Variants in CPAMD8 observed in about 807,000 individuals in gnomAD.
CPAMD8 encodes C3 and PZP-like alpha-2-macroglobulin domain-containing protein 8.
Under a neutral mutation model 224.7 loss-of-function variants are expected in CPAMD8, and 146 were observed. That is an observed-to-expected ratio of 0.65 (90% CI 0.57 to 0.75). CPAMD8 has a LOEUF of 0.75. Among genes scored for constraint, CPAMD8 ranks in the 30% least tolerant of loss-of-function variants. The probability of loss-of-function intolerance (pLI) is 0.00; values close to 1 mark genes in which losing one functional copy is unlikely to be tolerated. For synonymous variants in CPAMD8, 966 were observed against 1,044.6 expected, an observed-to-expected ratio of 0.92 and a Z score of 1.45; for missense variants, 2,301 against 2,537.5, an observed-to-expected ratio of 0.91 and a Z score of 2.00.
Position 17,022,020 on chromosome 19 carries a change from A to G in CPAMD8, c.244+10T>C, listed in dbSNP as rs1486620193. 2 of 1,591,428 alleles carry G rather than the reference A, an allele frequency of 1.3e-6. No homozygotes were observed. Among genetic ancestry groups the G allele is most frequent in the Non-Finnish European group, 1.7e-6 (2 of 1,169,018 alleles). Reference sequence around the variant, plus strand: ...AGGGGAAGTCCTGGTCTGGCACCCAAGGGACCTACCCAGGATGGCTCCCTG... The same window carrying G: ...AGGGGAAGTCCTGGTCTGGCACCCAGGGGACCTACCCAGGATGGCTCCCTG... On this transcript the variant is annotated intron_variant, in intron 2 of 41. Coordinates refer to ENST00000443236, the MANE Select transcript of CPAMD8 (RefSeq NM_015692.5).
At chr19:16,922,963 G>A (rs530756101) in intron 26 of CPAMD8, among the ~76,000 whole-genome samples, 22 of 152,348 alleles carry the variant, frequency 1.4e-4, no homozygotes, top group East Asian at 5.8e-4. Flanking sequence ...ACTGGCCTTC[G>A]GTCACTCCCA....
chr19:16,903,774 G>A lies in CPAMD8; in HGVS notation c.4335C>T (p.Ala1445=). Residue 1445 remains alanine (A), a synonymous_variant, in exon 33 of 42, where the codon GCC becomes GCT. Coordinates refer to ENST00000443236, the MANE Select transcript of CPAMD8 (RefSeq NM_015692.5). ...AGGINLTVSL[A]STNLDYQETF... Reference sequence around the variant, plus strand: ...TTTCCTGGTAGTCCAGGTTGGTGGAGGCCAGGGAGACAGTGAGGTTGATGC... The same window carrying A: ...TTTCCTGGTAGTCCAGGTTGGTGGAAGCCAGGGAGACAGTGAGGTTGATGC... 7 of 1,614,180 alleles carry A rather than the reference G, an allele frequency of 4.3e-6. No homozygotes were observed. The highest frequency in any genetic ancestry group is 5.9e-6 in the Non-Finnish European group (7 of 1,180,002).
intron 36 of CPAMD8, 45 bp downstream of exon 36, chr19:16,901,165 T>C (rs2052240535): frequency 7.1e-7 from 1 of 1,410,208 alleles, no homozygotes; most frequent in Non-Finnish European, 9.8e-7. Context: ...CCCTACCTAT[T>C]GTTCAGAGAT....
rs752712961 is a variant in CPAMD8, at chr19:16,970,845, A to G, written c.2213+46T>C. 3 of 1,590,774 alleles carry G rather than the reference A, an allele frequency of 1.9e-6. No individual in the cohort carries two copies. The South Asian group carries it at 3.3e-5, about 18-fold the overall frequency. On this transcript the variant is annotated intron_variant, in intron 18 of 41. Coordinates refer to ENST00000443236, the MANE Select transcript of CPAMD8 (RefSeq NM_015692.5). ...AGGACAAAGACAAGCCCCAGATGTT[A>G]ATAGGACCAGGGTTAGAAAACCTTG... is the stretch of plus-strand genomic sequence containing the variant.
intron 15 of CPAMD8, among the ~76,000 whole-genome samples, chr19:16,976,375 C>G (rs1339312043): frequency 6.6e-6 from 1 of 152,000 alleles, no homozygotes; most frequent in Non-Finnish European, 1.5e-5. Context: ...ACTTAGGAGG[C>G]TGAGGCAGGA....
chr19:17,020,737 G>A (rs1017008034), intron 2 of CPAMD8, among the ~76,000 whole-genome samples: 6 of 152,166 alleles, frequency 3.9e-5, no homozygotes, highest in African/African-American at 1.4e-4. Context: ...GGTCCCCAGT[G>A]GACCTGACTG....
At chr19:16,926,258 AC>A (rs1232869744) in intron 25 of CPAMD8, among the ~76,000 whole-genome samples, 2 of 150,354 alleles carry the variant, frequency 1.3e-5, no homozygotes, top group African/African-American at 4.9e-5. Context: ...TTTCTGATGG[AC>A]CCCCCTGGGA....
At chr19:16,991,057 T>A (rs941516552) in intron 12 of CPAMD8, among the ~76,000 whole-genome samples, 3 of 151,534 alleles carry the variant, frequency 2.0e-5, no homozygotes, top group Admixed American at 6.6e-5. Context: ...TTGAGATTAG[T>A]CCCATGGCCA....
At chr19:16,962,560 G>A (rs1418347724) in intron 18 of CPAMD8, among the ~76,000 whole-genome samples, 1 of 152,160 alleles carries the variant, frequency 6.6e-6, no homozygotes, top group Non-Finnish European at 1.5e-5. Flanking sequence ...CCAAATCTAC[G>A]TCTGATTGGT....
At chr19:16,997,638 G>A (rs1299230405) in intron 10 of CPAMD8, among the ~76,000 whole-genome samples, 1 of 151,840 alleles carries the variant, frequency 6.6e-6, no homozygotes, top group Non-Finnish European at 1.5e-5. Context: ...GTCACTTGAG[G>A]TCAGGAGTTC....
At chr19:17,010,254 G>C (rs1159939167) in intron 5 of CPAMD8, among the ~76,000 whole-genome samples, 2 of 151,452 alleles carry the variant, frequency 1.3e-5, no homozygotes, top group Non-Finnish European at 1.5e-5. Context: ...TTTTTGTAGA[G>C]ACAGGGTTGT....
chr19:16,950,910 C>T (rs993395136), intron 20 of CPAMD8, among the ~76,000 whole-genome samples: 3 of 151,808 alleles, frequency 2.0e-5, no homozygotes, highest in South Asian at 2.1e-4. Flanking sequence ...CACTTCTTCT[C>T]GTGAACTGTG....
In CPAMD8 at chr19:16,957,870, C is replaced by A. The variant is rs747464821; in HGVS notation, c.2259G>T (p.Trp753Cys). ...KRTFFPETWI[W>C]HCLNISDPSG... ...TAATGTACCTGATGTTGAGACAATG[C>A]CAAATCCATGTTTCGGGGAAGAAAG... is the stretch of plus-strand genomic sequence containing the variant. Residue 753 changes from tryptophan to cysteine, a missense_variant, in exon 19 of 42, where the codon TGG becomes TGT. By Grantham distance (215) the Trp-to-Cys change is radical. This residue lies in a region of CPAMD8 where 1,709 missense variants were observed against 1,753.2 expected (regional missense o/e 0.97). Coordinates refer to ENST00000443236, the MANE Select transcript of CPAMD8 (RefSeq NM_015692.5). The A allele has an allele frequency of 7.5e-5, 121 of 1,613,974 alleles. No individual in the cohort carries two copies. Among genetic ancestry groups the A allele is most frequent in the Non-Finnish European group, 4.2e-5 (49 of 1,180,028 alleles).
At chr19:17,009,035 G>GCAC (rs1316662947) in intron 6 of CPAMD8, among the ~76,000 whole-genome samples, 1 of 152,002 alleles carries the variant, frequency 6.6e-6, no homozygotes, top group Non-Finnish European at 1.5e-5. Context: ...GGCAGAGGTT[G>GCAC]CAGTGAGCCA....
chr19:16,897,805 C>CG lies in CPAMD8; in HGVS notation c.4955-5dup, dbSNP rs1161652165. ...TAGAAGCGAGTGGCCTCGAAGGCTA[C>CG]GGGACGAGGGTGGCGGGTGACCAAG... On this transcript the variant is annotated splice_polypyrimidine_tract_variant and splice_region_variant and intron_variant, in intron 38 of 41. Coordinates refer to ENST00000443236, the MANE Select transcript of CPAMD8 (RefSeq NM_015692.5). The CG allele has an allele frequency of 1.3e-6, 2 of 1,578,466 alleles. No individual in the cohort carries two copies. Among genetic ancestry groups the CG allele is most frequent in the East Asian group, 2.3e-5 (1 of 43,996 alleles).
At chr19:16,945,788 T>C (rs1049964372) in intron 21 of CPAMD8, 109 bp from the exon 22 acceptor site, 23 of 944,620 alleles carry the variant, frequency 2.4e-5, no homozygotes, top group Admixed American at 3.6e-5. Context: ...TGTGTGTGTG[T>C]GTGCATGTGT....
At chr19:17,015,085 T>C (rs1022069992) in intron 3 of CPAMD8, among the ~76,000 whole-genome samples, 2 of 151,868 alleles carry the variant, frequency 1.3e-5, no homozygotes, top group Non-Finnish European at 1.5e-5. Context: ...CTACTGAAAA[T>C]ACAAAAATTA....
intron 11 of CPAMD8, among the ~76,000 whole-genome samples, chr19:16,994,351 A>G (rs1381693638): frequency 6.6e-6 from 1 of 152,154 alleles, no homozygotes; most frequent in African/African-American, 2.4e-5. Flanking sequence ...AACCTCACCC[A>G]TTCAGACTGG....
intron 30 of CPAMD8, among the ~76,000 whole-genome samples, chr19:16,906,240 C>T (rs1351290885): frequency 1.3e-5 from 2 of 152,122 alleles, no homozygotes; most frequent in African/African-American, 2.4e-5. Context: ...AAGCAAAAGG[C>T]ATCTCGTCAG....
Sources: gnomAD v4.1 joint callset for allele counts (sites outside exome capture counted in the v4.1 genomes callset) on GRCh38, gnomAD v4.1.1 for gene constraint, gnomAD v4.1.1 regional missense constraint, MANE v1.5 for transcripts, NCBI Gene and HGNC (gene_info 2026-07-23, HGNC 2026-07-21) for gene names.